Variants in PITPNM2 observed in about 807,000 individuals in gnomAD.
PITPNM2 encodes membrane-associated phosphatidylinositol transfer protein 2.
Under a neutral mutation model 132.2 loss-of-function variants are expected in PITPNM2, and 35 were observed. The observed-to-expected ratio is 0.26, with a 90% CI of 0.20 to 0.35. The LOEUF is 0.35. Ranked by LOEUF, PITPNM2 falls within the 10% of genes least tolerant of loss-of-function variation. PITPNM2 has a pLI of 1.00. For missense variants in PITPNM2, 1,332 were observed against 1,912.0 expected (o/e 0.70, Z 5.66); for synonymous variants, 738 against 799.2 (o/e 0.92, Z 1.29).
intron 1 of PITPNM2, among the ~76,000 whole-genome samples, chr12:123,149,386 G>A (rs886439540): frequency 1.3e-5 from 2 of 152,198 alleles, no homozygotes; most frequent in Non-Finnish European, 2.9e-5. Flanking sequence ...AACTCATTGT[G>A]TTTCTCTCTG....
rs372326658 is a variant in PITPNM2 at position 122,992,482 on chromosome 12, C to T, written c.2404+17G>A. 2.3e-4 allele frequency: 372 copies of T among 1,603,316 alleles called. 3 individuals carry two copies. Among genetic ancestry groups the T allele is most frequent in the African/African-American group, 2.0e-3 (148 of 74,452 alleles). ...CCCACCTTCCCCCAGAGGAGTGGGG[C>T]GGAATGTGCCTCTCACCCAGCAGCG... is the stretch of plus-strand genomic sequence containing the variant. On this transcript the variant is annotated intron_variant, in intron 16 of 25. Transcript: ENST00000320201. The surrounding 1 kb of genome is among the most constrained non-coding windows in gnomAD (Gnocchi z 6.5).
Position 123,000,224 on chromosome 12 carries a change from C to G in PITPNM2, c.1224+554G>C. On this transcript the variant is annotated intron_variant, in intron 10 of 25. Transcript: ENST00000320201. This position sits in a 1 kb window ranked among gnomAD's most constrained non-coding sequence, Gnocchi z 5.4. ...CTCAGCCCTGGCTCCTGTCCCAGTG[C>G]AAACAGCTCTGACGGCCCGCAGGTG... 1.7e-6 allele frequency: 1 copy of G among 599,298 alleles called. No individual in the cohort carries two copies. The highest frequency in any genetic ancestry group is 3.0e-6 in the Non-Finnish European group (1 of 337,012). 37.1% of individuals were successfully genotyped at this position (599,298 alleles called of 1,614,324 possible). A position where few individuals can be genotyped will look rare whatever the true frequency, so the allele number is the denominator to read the frequency against.
intron 2 of PITPNM2, among the ~76,000 whole-genome samples, chr12:123,062,423 A>G (rs1338310499): frequency 6.6e-6 from 1 of 152,148 alleles, no homozygotes; most frequent in African/African-American, 2.4e-5. Flanking sequence ...GGGCTGGGGG[A>G]ATCCTGGAGG....
intron 2 of PITPNM2, among the ~76,000 whole-genome samples, chr12:123,073,735 C>T (rs990769955): frequency 2.0e-5 from 3 of 152,176 alleles, no homozygotes; most frequent in East Asian, 1.9e-4. Context: ...CAGAGTGACC[C>T]GGATTTTCCA....
intron 2 of PITPNM2, among the ~76,000 whole-genome samples, chr12:123,055,780 C>A (rs78661618): frequency 6.6e-6 from 1 of 152,138 alleles, no homozygotes; most frequent in African/African-American, 2.4e-5. Context: ...TCTTAAGCCA[C>A]CCACATCTTG....
intron 5 of PITPNM2, among the ~76,000 whole-genome samples, chr12:123,010,330 C>T (rs1197661934): frequency 6.6e-6 from 1 of 152,196 alleles, no homozygotes; most frequent in Non-Finnish European, 1.5e-5. Context: ...GCACTCCTCC[C>T]ACCTCAGCCT....
chr12:123,109,913 A>G (rs1003228708), intron 2 of PITPNM2, among the ~76,000 whole-genome samples: 2 of 152,206 alleles, frequency 1.3e-5, no homozygotes, highest in African/African-American at 2.4e-5. Context: ...GCAAAAGCGT[A>G]ATCAATAAAT....
At chr12:123,047,735 A>G (rs890938321) in intron 2 of PITPNM2, among the ~76,000 whole-genome samples, 2 of 152,014 alleles carry the variant, frequency 1.3e-5, no homozygotes, top group African/African-American at 4.8e-5. Flanking sequence ...CAGGCATCAC[A>G]TGAGTTATCA....
intron 1 of PITPNM2, among the ~76,000 whole-genome samples, chr12:123,144,051 C>T (rs927043046): frequency 1.3e-5 from 2 of 152,222 alleles, no homozygotes; most frequent in African/African-American, 2.4e-5. Context: ...AATCAATGCT[C>T]ATGGTGCTTT....
At chr12:123,030,421 C>T (rs1049325693) in intron 3 of PITPNM2, among the ~76,000 whole-genome samples, 3 of 152,144 alleles carry the variant, frequency 2.0e-5, no homozygotes, top group African/African-American at 7.2e-5. Context: ...AGGCCGGGCG[C>T]GGTGGCTCAC....
At chr12:122,987,037 G>A (rs2037965791) in intron 23 of PITPNM2, among the ~76,000 whole-genome samples, 1 of 152,272 alleles carries the variant, frequency 6.6e-6, no homozygotes, top group African/African-American at 2.4e-5. Context: ...CTGTGTCCCT[G>A]GCTTACCAGC....
chr12:123,086,344 G>A (rs1327597523), intron 2 of PITPNM2, among the ~76,000 whole-genome samples: 1 of 152,198 alleles, frequency 6.6e-6, no homozygotes, highest in Non-Finnish European at 1.5e-5. Context: ...TACAAAATGG[G>A]GGTGAAGACA....
intron 2 of PITPNM2, among the ~76,000 whole-genome samples, chr12:123,068,611 C>A (rs1317504885): frequency 6.6e-6 from 1 of 152,222 alleles, no homozygotes; most frequent in Non-Finnish European, 1.5e-5. Context: ...AAATACTTAA[C>A]AGCCCCCTAA....
chr12:123,115,954 T>G (rs2042929570), intron 1 of PITPNM2, among the ~76,000 whole-genome samples: 1 of 152,230 alleles, frequency 6.6e-6, no homozygotes, highest in African/African-American at 2.4e-5. Flanking sequence ...AACCTGGATA[T>G]TCCAGAGGCA....
rs2038351971 is a variant in PITPNM2, at chr12:122,994,837, G to A, written c.2197C>T (p.Leu733=). The A allele has an allele frequency of 6.2e-7, 1 of 1,611,456 alleles. No individual in the cohort carries two copies. Among genetic ancestry groups the A allele is most frequent in the African/African-American group, 1.3e-5 (1 of 74,896 alleles). The change falls in exon 15 of 26, where the codon CTG becomes TTG. Residue 733 remains leucine, a synonymous_variant. Transcript: ENST00000320201. This position sits in a 1 kb window ranked among gnomAD's most constrained non-coding sequence, Gnocchi z 5.4. ...FLFGCPLGLV[L]ALRKTVIPAL... ...GGGATGACAGTCTTCCTCAAGGCCA[G>A]GACCAGCCCCAGCGGGCACCCGAAG...
chr12:123,070,332 T>TA (rs2041585624), intron 2 of PITPNM2, among the ~76,000 whole-genome samples: 1 of 152,176 alleles, frequency 6.6e-6, no homozygotes, highest in South Asian at 2.1e-4. Context: ...GTGTGGGCCT[T>TA]AGTGTCCCAG....
chr12:123,133,381 C>G (rs564463746), intron 1 of PITPNM2, among the ~76,000 whole-genome samples: 50 of 152,342 alleles, frequency 3.3e-4, no homozygotes, highest in Non-Finnish European at 6.6e-4. Flanking sequence ...AAATCCAATT[C>G]TAGTTCCAGC....
rs889219340 is a variant in PITPNM2 at position 122,983,666 on chromosome 12, G to C, written c.*2361C>G. The C allele has an allele frequency of 1.3e-5, 2 of 152,280 alleles. No individual in the cohort carries two copies. Among genetic ancestry groups the C allele is most frequent in the African/African-American group, 4.8e-5 (2 of 41,434 alleles). 9.4% of individuals were successfully genotyped at this position (152,280 alleles called of 1,614,324 possible). ...GGGGCTGAGACGTGAAGGCTGTGAT[G>C]GGGTGGGCAGTGGGACTCAGACCGA... On this transcript the variant is annotated 3_prime_UTR_variant, in exon 26 of 26. Transcript: ENST00000320201.
chr12:123,021,500 GTTT>G (rs1440406650), intron 3 of PITPNM2, among the ~76,000 whole-genome samples: 1 of 152,104 alleles, frequency 6.6e-6, no homozygotes, highest in East Asian at 1.9e-4. Context: ...CACCCAGCTA[GTTT>G]TTTATTTTTT....
Sources: allele counts gnomAD v4.1 joint callset (sites outside exome capture counted in the v4.1 genomes callset), GRCh38; gene constraint gnomAD v4.1.1; non-coding constraint Gnocchi (gnomAD v3.1); transcripts MANE v1.5; gene names NCBI Gene and HGNC (gene_info 2026-07-23, HGNC 2026-07-21).